CLTC: variants seen among roughly 807,000 people sequenced by gnomAD.
The protein encoded by CLTC is clathrin heavy chain 1.
A neutral mutation model predicts 195.8 loss-of-function variants in CLTC; 16 were observed. The observed-to-expected ratio is 0.08, with a 90% CI of 0.06 to 0.12. CLTC has a LOEUF of 0.12. Ranked by LOEUF, CLTC falls within the 10% of genes least tolerant of loss-of-function variation. The probability of loss-of-function intolerance (pLI) is 1.00; values close to 1 mark genes in which losing one functional copy is unlikely to be tolerated. For missense variants in CLTC, 796 were observed against 2,027.0 expected (o/e 0.39, Z 11.66); for synonymous variants, 667 against 689.4 (o/e 0.97, Z 0.51).
At chr17:59,625,865 C>T (rs926586407) in intron 1 of CLTC, among the ~76,000 whole-genome samples, 22 of 152,062 alleles carry the variant, frequency 1.4e-4, no homozygotes, top group Non-Finnish European at 1.6e-4. Context: ...TAAGTCTAAC[C>T]TCTTGCTTTT....
At chr17:59,674,336 G>A (rs972916096) in intron 15 of CLTC, among the ~76,000 whole-genome samples, 3 of 152,064 alleles carry the variant, frequency 2.0e-5, no homozygotes, top group African/African-American at 7.2e-5. Flanking sequence ...GTAGAAACAG[G>A]CAGTATTGCT....
intron 5 of CLTC, among the ~76,000 whole-genome samples, chr17:59,651,555 A>G (rs2032327750): frequency 6.6e-6 from 1 of 152,236 alleles, no homozygotes; most frequent in Admixed American, 6.5e-5. Context: ...AAAGTGAGTC[A>G]TAAGAATTCT....
intron 30 of CLTC, among the ~76,000 whole-genome samples, chr17:59,686,486 C>T (rs974943121): frequency 3.3e-5 from 5 of 152,034 alleles, no homozygotes; most frequent in Non-Finnish European, 5.9e-5. Context: ...AAATCAGAGT[C>T]TCACATCTGA....
rs1447564294 is a variant in CLTC, at chr17:59,664,803, A to T, written c.1538A>T (p.Asp513Val). The T allele has an allele frequency of 6.2e-7, 1 of 1,614,050 alleles. No homozygotes were observed. Among genetic ancestry groups the T allele is most frequent in the Non-Finnish European group, 8.5e-7 (1 of 1,179,940 alleles). The stretch of plus-strand genomic sequence containing the variant: ...TGTTTATAGGTTGGATACACTCCAG[A>T]TTGGATATTTCTGCTGAGAAATGTA... ...LYAKKVGYTP[D>V]WIFLLRNVMR... Residue 513 changes from aspartate to valine, a missense_variant, in exon 10 of 32, where the codon GAT becomes GTT. Around this residue, in one of 9 missense-constraint regions of CLTC, gnomAD observed 293 missense variants for 795.6 expected, o/e 0.37. Transcript: ENST00000269122.
intron 5 of CLTC, among the ~76,000 whole-genome samples, chr17:59,653,651 C>A (rs997219807): frequency 6.6e-6 from 1 of 152,032 alleles, no homozygotes; most frequent in Non-Finnish European, 1.5e-5. Flanking sequence ...CTCCTGGGCT[C>A]AACTGATCCT....
At chr17:59,688,809 G>A (rs1470093221) in intron 30 of CLTC, among the ~76,000 whole-genome samples, 1 of 152,056 alleles carries the variant, frequency 6.6e-6, no homozygotes, top group Non-Finnish European at 1.5e-5. Flanking sequence ...CTGGAAGTCC[G>A]GAAATGTATT....
chr17:59,653,421 C>T (rs2032379683), intron 5 of CLTC, among the ~76,000 whole-genome samples: 1 of 151,888 alleles, frequency 6.6e-6, no homozygotes, highest in South Asian at 2.1e-4. Flanking sequence ...TCTCGATCTC[C>T]TGACCTCGTG....
intron 1 of CLTC, among the ~76,000 whole-genome samples, chr17:59,642,931 A>C (rs1309519528): frequency 1.3e-5 from 2 of 152,186 alleles, no homozygotes; most frequent in Non-Finnish European, 2.9e-5. Flanking sequence ...TATCTTATTC[A>C]GAGCCTGGCC....
intron 1 of CLTC, among the ~76,000 whole-genome samples, chr17:59,630,829 T>A (rs1405800392): frequency 6.6e-6 from 1 of 152,256 alleles, no homozygotes; most frequent in East Asian, 1.9e-4. Context: ...TCTTTCTACC[T>A]TTTGGCTATT....
intron 8 of CLTC, 112 bp from the exon 9 acceptor site, chr17:59,663,730 G>T (rs2032662610): frequency 2.4e-6 from 2 of 831,128 alleles, no homozygotes; most frequent in East Asian, 2.7e-5. Context: ...AATATATTCT[G>T]TGAAACTAAG....
At chr17:59,656,723 G>T (rs890923038) in intron 6 of CLTC, among the ~76,000 whole-genome samples, 2 of 132,648 alleles carry the variant, frequency 1.5e-5, no homozygotes, top group East Asian at 4.7e-4. Flanking sequence ...ACCCAGGTTA[G>T]AGTGCAGTGG....
chr17:59,669,224 A>G (rs1006467368), intron 14 of CLTC, among the ~76,000 whole-genome samples: 4 of 152,150 alleles, frequency 2.6e-5, no homozygotes, highest in African/African-American at 7.2e-5. Flanking sequence ...AAAATTTAGA[A>G]AAGTGGTTGT....
At chr17:59,639,694 G>A (rs1368827860) in intron 1 of CLTC, among the ~76,000 whole-genome samples, 2 of 152,032 alleles carry the variant, frequency 1.3e-5, no homozygotes, top group East Asian at 3.9e-4. Flanking sequence ...TTATGGCTGG[G>A]TACAGTGGTT....
chr17:59,648,398 G>A lies in CLTC; in HGVS notation c.678G>A (p.Gly226=), dbSNP rs764197992. ...TTGCAGTTCGGGGCCAAGCTGGAGG[G>A]AAGGTAAGTTTTGGCTTTGGTAATT... ...FCFAVRGQAG[G]KLHIIEVGTP... The change falls in exon 4 of 32, where the codon GGG becomes GGA. Residue 226 remains glycine, a synonymous_variant. Transcript: ENST00000269122. This position sits in a 1 kb window ranked among gnomAD's most constrained non-coding sequence, Gnocchi z 4.5. 4 of 1,612,210 alleles carry A rather than the reference G, an allele frequency of 2.5e-6. No individual in the cohort carries two copies. The South Asian group carries it at 3.3e-5, about 13-fold the overall frequency.
chr17:59,619,968 G>T lies in CLTC; in HGVS notation c.-164G>T. 1.6e-6 allele frequency: 1 copy of T among 620,696 alleles called. No homozygotes were observed. The highest frequency in any genetic ancestry group is 2.8e-6 in the Non-Finnish European group (1 of 351,932). The allele number at this position is 620,696 out of a possible 1,614,324, so 38.4% of individuals were successfully genotyped here. ...CCTGGCCCCTGGAGCCTCCGCCCCC[G>T]ACCCGAGCTCTTTCGTCTGCCTGCC... On this transcript the variant is annotated 5_prime_UTR_variant, in exon 1 of 32. Transcript: ENST00000269122.
At chr17:59,679,592 C>T in intron 18 of CLTC, 73 bp downstream of exon 18, 3 of 1,377,426 alleles carry the variant, frequency 2.2e-6, no homozygotes, top group Non-Finnish European at 2.9e-6. Flanking sequence ...AATCCTTTCC[C>T]TCATCATGTA....
At position 59,683,064 on chromosome 17, in the gene CLTC, T is replaced by C; in HGVS notation, c.3874-31T>C. The C allele has an allele frequency of 1.2e-6, 2 of 1,613,948 alleles. No individual in the cohort carries two copies. The highest frequency in any genetic ancestry group is 1.7e-6 in the Non-Finnish European group (2 of 1,179,872). On this transcript the variant is annotated intron_variant, in intron 24 of 31. Transcript: ENST00000269122. The surrounding 1 kb of genome is among the most constrained non-coding windows in gnomAD (Gnocchi z 6.1). ...CTGAGATCTTTTACCATAGATATTC[T>C]TATCTTTAACTGCACATTTCTCTTG...
chr17:59,696,226 T>C lies in CLTC; in HGVS notation c.*2374T>C. On this transcript the variant is annotated 3_prime_UTR_variant, in exon 32 of 32. Coordinates refer to ENST00000269122, the MANE Select transcript of CLTC (RefSeq NM_004859.4). ...ACATTCTGTTTAGAAATAGTTGCTA[T>C]TGTGGCATCATTCACAGTTGCAATT... 1 of 221,180 alleles carries C rather than the reference T, an allele frequency of 4.5e-6. No homozygotes were observed. Among genetic ancestry groups the C allele is most frequent in the East Asian group, 6.6e-5 (1 of 15,056 alleles). The allele number at this position is 221,180 out of a possible 1,614,324, so 13.7% of individuals were successfully genotyped here. A position where few individuals can be genotyped will look rare whatever the true frequency, so the allele number is the denominator to read the frequency against.
chr17:59,695,850 A>G lies in CLTC; in HGVS notation c.*1998A>G, dbSNP rs78449869. The G allele has an allele frequency of 3.2e-5, 5 of 155,770 alleles. No homozygotes were observed. In the East Asian group the frequency reaches 4.2e-4, roughly 13 times the overall value. The allele number at this position is 155,770 out of a possible 1,614,324, so 9.6% of individuals were successfully genotyped here. A position where few individuals can be genotyped will look rare whatever the true frequency, so the allele number is the denominator to read the frequency against. On this transcript the variant is annotated 3_prime_UTR_variant, in exon 32 of 32. Transcript: ENST00000269122. ...CAACACAGAGAAAAAAAAAATAATA[A>G]TAGTATTATGAAAACATTGACTCTG... is the stretch of plus-strand genomic sequence containing the variant.
Sources: allele counts gnomAD v4.1 joint callset (sites outside exome capture counted in the v4.1 genomes callset), GRCh38; gene constraint gnomAD v4.1.1; regional missense constraint gnomAD v4.1.1; non-coding constraint Gnocchi (gnomAD v3.1); transcripts MANE v1.5; gene names NCBI Gene and HGNC (gene_info 2026-07-23, HGNC 2026-07-21).